ARHGEF2: variants seen among roughly 807,000 people sequenced by gnomAD.
The protein encoded by ARHGEF2 is Rho/Rac guanine nucleotide exchange factor 2.
In ARHGEF2, 22 loss-of-function variants were observed where a neutral mutation model predicts 121.0. That is an observed-to-expected ratio of 0.18 (90% CI 0.13 to 0.26). ARHGEF2 has a LOEUF of 0.26. Ranked by LOEUF, ARHGEF2 falls within the 10% of genes least tolerant of loss-of-function variation. The probability of loss-of-function intolerance (pLI) is 1.00; values close to 1 mark genes in which losing one functional copy is unlikely to be tolerated. For missense variants in ARHGEF2, 907 were observed against 1,336.0 expected, an observed-to-expected ratio of 0.68 and a Z score of 5.01; for synonymous variants, 487 against 530.0, an observed-to-expected ratio of 0.92 and a Z score of 1.11.
chr1:155,969,366 A>T (rs1680039740), intron 1 of ARHGEF2, 66 bp from the exon 2 acceptor site: 3 of 1,598,542 alleles, frequency 1.9e-6, no homozygotes, highest in Non-Finnish European at 2.6e-6. Context: ...GAGTCCAGAG[A>T]GACAGGCTGG....
intron 2 of ARHGEF2, 65 bp downstream of exon 2, chr1:155,969,091 C>T (rs1679986980): frequency 1.3e-6 from 2 of 1,587,452 alleles, no homozygotes; most frequent in African/African-American, 2.7e-5. Flanking sequence ...GCAGAAAAAA[C>T]AGATGAAAAG....
intron 1 of ARHGEF2, chr1:155,971,196 A>C: frequency 1.3e-6 from 1 of 795,566 alleles, no homozygotes. Flanking sequence ...CCTTTTTTCT[A>C]TTCTGGCACC....
intron 12 of ARHGEF2, 135 bp from the exon 13 acceptor site, chr1:155,958,017 G>A (rs1168421322): frequency 3.3e-6 from 3 of 898,122 alleles, no homozygotes; most frequent in Non-Finnish European, 5.0e-6. Flanking sequence ...CCAGGCACTG[G>A]TGCCAGCCAG....
Position 155,952,192 on chromosome 1 carries a change from C to T in ARHGEF2, c.2028G>A (p.Leu676=). The T allele has an allele frequency of 6.2e-7, 1 of 1,614,180 alleles. No individual in the cohort carries two copies. The highest frequency in any genetic ancestry group is 8.5e-7 in the Non-Finnish European group (1 of 1,180,030). ...KDLLVGPGVE[L]LLTPREPALP... is the part of the protein sequence containing the mutation. ...GGGCTGGCTCTCGGGGTGTCAAGAG[C>T]AGTTCCACTCCTGGCCCCACCAGCA... The change falls in exon 16 of 22, where the codon CTG becomes CTA. Residue 676 remains leucine, a synonymous_variant. Transcript: ENST00000361247.
intron 1 of ARHGEF2, chr1:155,969,607 C>T (rs1214654151): frequency 1.6e-6 from 2 of 1,218,736 alleles, no homozygotes; most frequent in Admixed American, 3.6e-5. Context: ...CCTCACTCCA[C>T]CTTCCCAGCC....
At position 155,951,558 on chromosome 1, in the gene ARHGEF2, G is replaced by A. The variant is rs1343424529; in HGVS notation, c.2209-25C>T. 2 of 1,613,984 alleles carry A rather than the reference G, an allele frequency of 1.2e-6. No homozygotes were observed. Among genetic ancestry groups the A allele is most frequent in the African/African-American group, 2.7e-5 (2 of 74,892 alleles). ...CCTGAGGACAGACAGGGTGGGAACA[G>A]GGCCCCAGCTTTAGGATGGGAGAAC... On this transcript the variant is annotated intron_variant, in intron 18 of 21. Coordinates refer to ENST00000361247, the MANE Select transcript of ARHGEF2 (RefSeq NM_001162383.2). The surrounding 1 kb of genome is among the most constrained non-coding windows in gnomAD (Gnocchi z 5.1).
Position 155,961,575 on chromosome 1 carries a change from A to G in ARHGEF2, c.1468+86T>C. 1 of 1,541,538 alleles carries G rather than the reference A, an allele frequency of 6.5e-7. No individual in the cohort carries two copies. Among genetic ancestry groups the G allele is most frequent in the Non-Finnish European group, 8.7e-7 (1 of 1,145,944 alleles). On this transcript the variant is annotated intron_variant, in intron 11 of 21. Transcript: ENST00000361247. The surrounding 1 kb of genome is among the most constrained non-coding windows in gnomAD (Gnocchi z 4.7). ...AGGCGTTGAGCCACTGCACCCGGCC[A>G]AGAGAGGTTGATTCTAAGACCTGCA... is the stretch of plus-strand genomic sequence containing the variant.
At chr1:155,970,903 C>A (rs1028869165) in intron 1 of ARHGEF2, 1 of 986,370 alleles carries the variant, frequency 1.0e-6, no homozygotes, top group Non-Finnish European at 1.2e-6. Flanking sequence ...AATCCCTTCT[C>A]CCCTCATGCA....
Position 155,962,153 on chromosome 1 carries a change from T to C in ARHGEF2, c.1171A>G (p.Ile391Val), listed in dbSNP as rs767708077. Residue 391 changes from isoleucine to valine, a missense_variant, in exon 10 of 22, where the codon ATC (isoleucine) becomes GTC (valine). Coordinates refer to ENST00000361247, the MANE Select transcript of ARHGEF2 (RefSeq NM_001162383.2). This position sits in a 1 kb window ranked among gnomAD's most constrained non-coding sequence, Gnocchi z 5.8. ...CTGATGAGTAACGGGTACTTGGTGATGCGCTGAGTCACCAGCAGGATGCAC... is the reference window on the plus strand; with the variant it reads ...CTGATGAGTAACGGGTACTTGGTGACGCGCTGAGTCACCAGCAGGATGCAC... ...QECILLVTQR[I>V]TKYPLLISRI... The C allele has an allele frequency of 6.2e-6, 10 of 1,614,176 alleles. No homozygotes were observed. Among genetic ancestry groups the C allele is most frequent in the Admixed American group, 1.7e-5 (1 of 60,016 alleles).
intron 21 of ARHGEF2, among the ~76,000 whole-genome samples, chr1:155,948,562 T>C (rs1018806397): frequency 2.0e-5 from 3 of 151,756 alleles, no homozygotes; most frequent in South Asian, 2.1e-4. Flanking sequence ...ACTTGGGAGG[T>C]GGAAGTTGCA....
At position 155,965,741 on chromosome 1, in the gene ARHGEF2, T is replaced by G; in HGVS notation, c.360A>C (p.Pro120=). The G allele has an allele frequency of 6.2e-7, 1 of 1,601,012 alleles. No homozygotes were observed. Among genetic ancestry groups the G allele is most frequent in the Non-Finnish European group, 8.5e-7 (1 of 1,176,958 alleles). ...TGTCGGAGGGGTAGATGGCCGAGCTTGGCCGCTCCCGGATGGTTGCTGTGG... is the reference window on the plus strand; with the variant it reads ...TGTCGGAGGGGTAGATGGCCGAGCTGGGCCGCTCCCGGATGGTTGCTGTGG... ...LRSKTTIRER[P]SSAIYPSDSF... is the part of the protein sequence containing the mutation. The change falls in exon 5 of 22, where the codon CCA becomes CCC. Residue 120 remains proline, a synonymous_variant. Coordinates refer to ENST00000361247, the MANE Select transcript of ARHGEF2 (RefSeq NM_001162383.2). This position sits in a 1 kb window ranked among gnomAD's most constrained non-coding sequence, Gnocchi z 6.0.
intron 13 of ARHGEF2, 33 bp from the exon 14 acceptor site, chr1:155,955,002 G>C: frequency 6.3e-7 from 1 of 1,585,620 alleles, no homozygotes; most frequent in Non-Finnish European, 8.6e-7. Flanking sequence ...GCCATTGAGA[G>C]ACAGAAGCTA....
At position 155,951,576 on chromosome 1, in the gene ARHGEF2, G is replaced by A; in HGVS notation, c.2209-43C>T. On this transcript the variant is annotated intron_variant, in intron 18 of 21. Transcript: ENST00000361247. The surrounding 1 kb of genome is among the most constrained non-coding windows in gnomAD (Gnocchi z 5.1). ...GGGAACAGGGCCCCAGCTTTAGGAT[G>A]GGAGAACTGCCCAAAAGTTGAACAA... 1 of 1,613,650 alleles carries A rather than the reference G, an allele frequency of 6.2e-7. No individual in the cohort carries two copies. The highest frequency in any genetic ancestry group is 8.5e-7 in the Non-Finnish European group (1 of 1,179,604).
At position 155,978,406 on chromosome 1, in the gene ARHGEF2, T is replaced by G. The variant is rs535704421; in HGVS notation, c.22A>C (p.Thr8Pro). 4.7e-5 allele frequency: 71 copies of G among 1,515,526 alleles called. 1 individual carries two copies. The African/African-American group carries it at 7.9e-4, about 17-fold the overall frequency. The allele number at this position is 1,515,526 out of a possible 1,614,324, so 93.9% of individuals were successfully genotyped here. MSRIESL[T>P]RARIDRSREL... ...CTGCTCCGGTCGATCCGCGCCCGCGTGAGGGATTCGATCCGAGACATAATC... is the reference window on the plus strand; with the variant it reads ...CTGCTCCGGTCGATCCGCGCCCGCGGGAGGGATTCGATCCGAGACATAATC... The change falls in exon 1 of 22, where the codon ACG becomes CCG. Residue 8 changes from threonine (T) to proline (P), a missense_variant. Physicochemically the swap from Thr to Pro is conservative, Grantham distance 38. Coordinates refer to ENST00000361247, the MANE Select transcript of ARHGEF2 (RefSeq NM_001162383.2). The surrounding 1 kb of genome is among the most constrained non-coding windows in gnomAD (Gnocchi z 4.1).
chr1:155,951,152 G>C lies in ARHGEF2; in HGVS notation c.2380C>G (p.Pro794Ala). 6.2e-7 allele frequency: 1 copy of C among 1,604,566 alleles called. No homozygotes were observed. The highest frequency in any genetic ancestry group is 8.5e-7 in the Non-Finnish European group (1 of 1,177,128). The change falls in exon 20 of 22, where the codon CCT becomes GCT. Residue 794 changes from proline (P) to alanine (A), a missense_variant. Pro to Ala is a conservative substitution (Grantham distance 27). Around this residue, in one of 2 missense-constraint regions of ARHGEF2, gnomAD observed 432 missense variants for 559.5 expected, o/e 0.77. Coordinates refer to ENST00000361247, the MANE Select transcript of ARHGEF2 (RefSeq NM_001162383.2). The surrounding 1 kb of genome is among the most constrained non-coding windows in gnomAD (Gnocchi z 5.1). ...DGEAGRAGAAPVAPEKQATEL... is the reference protein window; with the variant it reads ...DGEAGRAGAAAVAPEKQATEL... ...GTGGCCTGCTTTTCAGGGGCCACAG[G>C]GGCAGCCCCAGCCCTGCCAGCCTCC...
At position 155,969,411 on chromosome 1, in the gene ARHGEF2, T is replaced by A. The variant is rs150045675; in HGVS notation, c.64-111A>T. ...CAAGGAAAAAATGCCAGCCTGAGGA[T>A]GCTGGAAAGACACCAGTTCCTAAAG... On this transcript the variant is annotated intron_variant, in intron 1 of 21. Transcript: ENST00000361247. The A allele has an allele frequency of 9.2e-5, 141 of 1,533,984 alleles. No individual in the cohort carries two copies. The African/African-American group carries it at 1.8e-3, about 19-fold the overall frequency.
At chr1:155,968,002 G>C (rs1443381942) in intron 2 of ARHGEF2, among the ~76,000 whole-genome samples, 1 of 150,388 alleles carries the variant, frequency 6.6e-6, no homozygotes, top group Non-Finnish European at 1.5e-5. Context: ...AACACTCAGT[G>C]TCTCTGGATT....
rs921566752 is a variant in ARHGEF2, at chr1:155,947,950, C to T, written c.2953G>A (p.Glu985Lys). The T allele has an allele frequency of 1.7e-5, 26 of 1,549,832 alleles. No homozygotes were observed. Among genetic ancestry groups the T allele is most frequent in the African/African-American group, 2.7e-5 (2 of 73,040 alleles). The change falls in exon 22 of 22, where the codon GAG becomes AAG. Residue 985 changes from glutamate (E) to lysine (K), a missense_variant. Glu to Lys is a moderately conservative substitution (Grantham distance 56, BLOSUM62 1). Coordinates refer to ENST00000361247, the MANE Select transcript of ARHGEF2 (RefSeq NM_001162383.2). ...AGGGGGGAGGGGCCCCCTTAGCTCT[C>T]GGAGGCTACAGCCTCCCCGTCGCGG... The part of the protein sequence containing the change: ...ESRDGEAVAS[E>K]S
chr1:155,971,733 T>G (rs1680503467), intron 1 of ARHGEF2, among the ~76,000 whole-genome samples: 1 of 150,974 alleles, frequency 6.6e-6, no homozygotes, highest in African/African-American at 2.4e-5. Context: ...AACCAAAAGT[T>G]TGAGCATGTA....
Sources: gnomAD v4.1 joint callset for allele counts (sites outside exome capture counted in the v4.1 genomes callset) on GRCh38, gnomAD v4.1.1 for gene constraint, gnomAD v4.1.1 regional missense constraint, Gnocchi (gnomAD v3.1) non-coding constraint, MANE v1.5 for transcripts, NCBI Gene and HGNC (gene_info 2026-07-23, HGNC 2026-07-21) for gene names.